Variants in FLT4 observed in about 807,000 individuals in gnomAD.
FLT4 encodes the protein vascular endothelial growth factor receptor 3.
Under a neutral mutation model 163.2 loss-of-function variants are expected in FLT4, and 30 were observed. The observed-to-expected ratio is 0.18, with a 90% CI of 0.14 to 0.25. The LOEUF (loss-of-function observed/expected upper bound fraction) is 0.25, where lower values mean the gene tolerates loss of function less well. Ranked by LOEUF, FLT4 falls within the 10% of genes least tolerant of loss-of-function variation. FLT4 has a pLI of 1.00. For missense variants in FLT4, 1,510 were observed against 1,863.8 expected (o/e 0.81, Z 3.50); for synonymous variants, 884 against 789.5 (o/e 1.12, Z -2.01).
At chr5:180,615,349 T>G (rs1393672906) in intron 23 of FLT4, among the ~76,000 whole-genome samples, 2 of 148,184 alleles carry the variant, frequency 1.3e-5, no homozygotes, top group Non-Finnish European at 3.0e-5. Context: ...GCCCCGCTGG[T>G]CACCTCCCTT....
Position 180,630,661 on chromosome 5 carries a change from C to A in FLT4, c.294G>T (p.Leu98=), listed in dbSNP as rs746539871. ...CTGTGTCGTTGGCATGTACCTCGTG[C>A]AGCAGCAACACCTTGCAGTAGGGCC... ...DARPYCKVLL[L]HEVHANDTGS... Residue 98 remains leucine (L), a synonymous_variant, in exon 3 of 30, where the codon CTG becomes CTT. Coordinates refer to ENST00000261937, the MANE Select transcript of FLT4 (RefSeq NM_182925.5). The surrounding 1 kb of genome is among the most constrained non-coding windows in gnomAD (Gnocchi z 6.3). 1.9e-6 allele frequency: 3 copies of A among 1,613,204 alleles called. No individual in the cohort carries two copies. In the South Asian group the frequency reaches 3.3e-5, roughly 18 times the overall value.
chr5:180,644,695 G>T (rs144324129), intron 1 of FLT4, among the ~76,000 whole-genome samples: 249 of 152,380 alleles, frequency 1.6e-3, no homozygotes, highest in African/African-American at 5.8e-3. Context: ...AGCAATCTGA[G>T]AAACCATTTC....
At chr5:180,642,646 G>A (rs1426868208) in intron 1 of FLT4, among the ~76,000 whole-genome samples, 1 of 152,164 alleles carries the variant, frequency 6.6e-6, no homozygotes, top group Non-Finnish European at 1.5e-5. Flanking sequence ...TCCAGTCCTG[G>A]AGGACCCCAG....
intron 29 of FLT4, chr5:180,608,352 C>G: frequency 1.4e-6 from 1 of 700,744 alleles, no homozygotes; most frequent in Non-Finnish European, 2.6e-6. Flanking sequence ...TTGAACGACT[C>G]ACCCTCCTGA....
chr5:180,627,346 C>A (rs1287604007), intron 8 of FLT4, among the ~76,000 whole-genome samples: 1 of 152,130 alleles, frequency 6.6e-6, no homozygotes, highest in East Asian at 1.9e-4. Context: ...TGAGGCAGGG[C>A]AGGGCAGGGG....
chr5:180,619,107 G>C lies in FLT4; in HGVS notation c.2764C>G (p.Pro922Ala), dbSNP rs1402122481. The stretch of plus-strand genomic sequence containing the variant: ...CAGAACTCCACGATCACCATGAGGG[G>C]GCCTGCGGCGGGACCGGGCGGCGGC... ...LLGACTKPQGPLMVIVEFCKY... is the reference protein window; with the variant it reads ...LLGACTKPQGALMVIVEFCKY... The change falls in exon 20 of 30, where the codon CCC (proline) becomes GCC (alanine). Residue 922 changes from proline to alanine, a missense_variant and splice_region_variant. By Grantham distance (27) the Pro-to-Ala change is conservative. Coordinates refer to ENST00000261937, the MANE Select transcript of FLT4 (RefSeq NM_182925.5). The C allele has an allele frequency of 1.3e-6, 2 of 1,525,088 alleles. No homozygotes were observed. The highest frequency in any genetic ancestry group is 2.6e-5 in the East Asian group (1 of 37,982). The allele number at this position is 1,525,088 out of a possible 1,614,324, so 94.5% of individuals were successfully genotyped here. A position where few individuals can be genotyped will look rare whatever the true frequency, so the allele number is the denominator to read the frequency against.
At position 180,624,061 on chromosome 5, in the gene FLT4, G is replaced by A. The variant is rs1581659286; in HGVS notation, c.1422C>T (p.Leu474=). ...TGAGGTCTTGCTGCTGCCGCCGCCG[G>A]CTGCCAGGACCAGAAGAGGCAAGGG... is the stretch of plus-strand genomic sequence containing the variant. ...TPCKMFAQRS[L]RRRQQQDLMP... Residue 474 remains leucine (L), a splice_region_variant and synonymous_variant, in exon 11 of 30, where the codon CTC becomes CTT. Transcript: ENST00000261937. The A allele has an allele frequency of 1.2e-6, 2 of 1,611,608 alleles. No individual in the cohort carries two copies. The highest frequency in any genetic ancestry group is 1.7e-6 in the Non-Finnish European group (2 of 1,179,904).
At chr5:180,646,549 T>G (rs1281018255) in intron 1 of FLT4, among the ~76,000 whole-genome samples, 1 of 152,202 alleles carries the variant, frequency 6.6e-6, no homozygotes, top group African/African-American at 2.4e-5. Flanking sequence ...CAGGAAGCCC[T>G]TAGCTGGAAG....
chr5:180,639,338 G>C (rs932917273), intron 1 of FLT4, among the ~76,000 whole-genome samples: 1 of 82,122 alleles, frequency 1.2e-5, no homozygotes, highest in Admixed American at 1.8e-4. Flanking sequence ...TGGATGGACA[G>C]ACAGATGAAT....
At chr5:180,645,028 GTGGGTGGAGGC>G (rs1294132209) in intron 1 of FLT4, among the ~76,000 whole-genome samples, 4 of 152,366 alleles carry the variant, frequency 2.6e-5, no homozygotes, top group Non-Finnish European at 5.9e-5. Context: ...GGTGTGTGCA[GTGGGTGGAGGC>G]TGGGTGGACG....
intron 1 of FLT4, among the ~76,000 whole-genome samples, chr5:180,637,565 G>A (rs1424601307): frequency 6.6e-6 from 1 of 152,004 alleles, no homozygotes; most frequent in Non-Finnish European, 1.5e-5. Context: ...ATGGAGTTTA[G>A]CTCGTCGCCC....
At chr5:180,610,629 G>C (rs886995293) in intron 27 of FLT4, among the ~76,000 whole-genome samples, 2 of 152,190 alleles carry the variant, frequency 1.3e-5, no homozygotes, top group Non-Finnish European at 2.9e-5. Context: ...TCCTGCCCAC[G>C]CCTCATAGTT....
At chr5:180,645,625 G>A (rs774625697) in intron 1 of FLT4, among the ~76,000 whole-genome samples, 4 of 152,126 alleles carry the variant, frequency 2.6e-5, no homozygotes, top group Non-Finnish European at 4.4e-5. Context: ...AGGCCTGGCC[G>A]TGGGCTAGGG....
At chr5:180,622,650 G>A (rs1763245703) in intron 12 of FLT4, 81 bp downstream of exon 12, 1 of 838,454 alleles carries the variant, frequency 1.2e-6, no homozygotes, top group African/African-American at 1.7e-5. Flanking sequence ...GTGTCCCAAA[G>A]ACCCCAGAAA....
intron 1 of FLT4, among the ~76,000 whole-genome samples, chr5:180,634,765 G>A (rs578225158): frequency 3.4e-5 from 4 of 116,714 alleles, no homozygotes; most frequent in Admixed American, 1.8e-4. Flanking sequence ...ATGATGAATC[G>A]CCAGATGAAT....
chr5:180,624,187 C>A lies in FLT4; in HGVS notation c.1422-126G>T, dbSNP rs375846286. 1.6e-4 allele frequency: 180 copies of A among 1,125,900 alleles called. No individual in the cohort carries two copies. In the African/African-American group the frequency reaches 2.6e-3, roughly 16 times the overall value. The allele number at this position is 1,125,900 out of a possible 1,614,324, so 69.7% of individuals were successfully genotyped here. A position where few individuals can be genotyped will look rare whatever the true frequency, so the allele number is the denominator to read the frequency against. ...ATATGGGGTCGTGGGCGAGGCTGGC[C>A]CTCGGGCCTGGGTGAGGGAGATGGG... On this transcript the variant is annotated intron_variant, in intron 10 of 29. Coordinates refer to ENST00000261937, the MANE Select transcript of FLT4 (RefSeq NM_182925.5).
intron 11 of FLT4, 93 bp from the exon 12 acceptor site, chr5:180,622,932 C>CG (rs1028286698): frequency 2.1e-5 from 17 of 792,440 alleles, no homozygotes; most frequent in Admixed American, 7.9e-5. Flanking sequence ...TGCACCACCC[C>CG]CCCCAATCAT....
intron 10 of FLT4, among the ~76,000 whole-genome samples, chr5:180,625,427 T>G (rs1561727688): frequency 6.6e-6 from 1 of 152,242 alleles, no homozygotes; most frequent in East Asian, 1.9e-4. Flanking sequence ...ACAGATGAGC[T>G]GAGGCCCATG....
chr5:180,613,106 G>A lies in FLT4; in HGVS notation c.3336C>T (p.Ala1112=), dbSNP rs546405615. Residue 1112 remains alanine (A), a synonymous_variant, in exon 25 of 30, where the codon GCC becomes GCT. Coordinates refer to ENST00000261937, the MANE Select transcript of FLT4 (RefSeq NM_182925.5). ...TGATCTGCACCCCAGGGTACGGGGA[G>A]GCCCCTGACAACAGGAAGGGGAGGT... ...VLLWEIFSLG[A]SPYPGVQINE... is the part of the protein sequence containing the mutation. The A allele has an allele frequency of 1.2e-5, 19 of 1,612,718 alleles. No individual in the cohort carries two copies. In the South Asian group the frequency reaches 2.0e-4, roughly 17 times the overall value.
Sources: gnomAD v4.1 joint callset for allele counts (sites outside exome capture counted in the v4.1 genomes callset) on GRCh38, gnomAD v4.1.1 for gene constraint, Gnocchi (gnomAD v3.1) non-coding constraint, MANE v1.5 for transcripts, NCBI Gene and HGNC (gene_info 2026-07-23, HGNC 2026-07-21) for gene names.